LARS2: variants seen among roughly 807,000 people sequenced by gnomAD.
LARS2 encodes the protein leucyl-tRNA synthetase 2, mitochondrial, also known as leucine--tRNA ligase, mitochondrial.
A neutral mutation model predicts 116.6 loss-of-function variants in LARS2; 81 were observed. That is an observed-to-expected ratio of 0.69 (90% CI 0.58 to 0.84). LARS2 has a LOEUF of 0.84. Among genes scored for constraint, LARS2 ranks in the 40% least tolerant of loss-of-function variants. The probability of loss-of-function intolerance (pLI) is 0.00; values close to 1 mark genes in which losing one functional copy is unlikely to be tolerated. For synonymous variants in LARS2, 396 were observed against 407.2 expected, an observed-to-expected ratio of 0.97 and a Z score of 0.33; for missense variants, 968 against 1,114.5, an observed-to-expected ratio of 0.87 and a Z score of 1.87.
intron 7 of LARS2, among the ~76,000 whole-genome samples, chr3:45,448,214 CA>C (rs1699053829): frequency 6.6e-6 from 1 of 152,124 alleles, no homozygotes; most frequent in Non-Finnish European, 1.5e-5. Context: ...TGTTCTATTC[CA>C]TAACAAATAT....
At position 45,514,205 on chromosome 3, in the gene LARS2, C is replaced by CA. The variant is rs1202127766; in HGVS notation, c.1861+982dup. Among the ~76,000 whole-genome samples the CA allele has an allele frequency of 3.9e-3, 553 of 140,150 alleles. 3 individuals carry two copies. Among genetic ancestry groups the CA allele is most frequent in the East Asian group, 0.028 (136 of 4,862 alleles). 91.9% of individuals were successfully genotyped at this position (140,150 alleles called of 152,430 possible). ...TGGGCAACAGAGCAAGACTCTGTCT[C>CA]AAAAAAAAAAAAGAAAGAAAGAAAA... is the stretch of plus-strand genomic sequence containing the variant. On this transcript the variant is annotated intron_variant, in intron 16 of 21. Coordinates refer to ENST00000645846, the MANE Select transcript of LARS2 (RefSeq NM_015340.4).
intron 20 of LARS2, among the ~76,000 whole-genome samples, chr3:45,538,041 T>A (rs61286189): frequency 0.27 from 41,254 of 152,120 alleles, 5,879 homozygotes; most frequent in Middle Eastern, 0.4. Context: ...CCTCTCCCCT[T>A]GGCATTACCA....
At chr3:45,452,200 C>T (rs913811133) in intron 7 of LARS2, among the ~76,000 whole-genome samples, 2 of 152,104 alleles carry the variant, frequency 1.3e-5, no homozygotes, top group African/African-American at 4.8e-5. Context: ...CCTAATTGCC[C>T]TGGTTAGGAC....
intron 4 of LARS2, among the ~76,000 whole-genome samples, chr3:45,413,452 C>T (rs1357343979): frequency 6.6e-6 from 1 of 152,156 alleles, no homozygotes; most frequent in Admixed American, 6.5e-5. Flanking sequence ...ATGTCATGCT[C>T]AATAATTCAA....
rs1472114862 is a variant in LARS2 at position 45,446,926 on chromosome 3, G to A, written c.552G>A (p.Trp184Ter). Residue 184 changes from tryptophan to a stop codon, truncating the protein, a stop_gained, in exon 7 of 22, where the codon TGG becomes TGA. Transcript: ENST00000645846. LOFTEE classifies it high-confidence loss of function. ...CGTGTTTGCCAGATTACTACAAGTG[G>A]ACTCAGTATCTCTTTATTAAACTGT... The part of the protein sequence containing the change: ...ITTCLPDYYK[W>*]TQYLFIKLYE... 6.2e-7 allele frequency: 1 copy of A among 1,611,820 alleles called. No individual in the cohort carries two copies. Among genetic ancestry groups the A allele is most frequent in the Admixed American group, 1.7e-5 (1 of 59,826 alleles).
chr3:45,534,931 C>T (rs1700677466), intron 20 of LARS2, among the ~76,000 whole-genome samples: 1 of 152,140 alleles, frequency 6.6e-6, no homozygotes, highest in Non-Finnish European at 1.5e-5. Context: ...CTTTTGTTTA[C>T]CATAATATTG....
chr3:45,476,987 C>T (rs11130065), intron 10 of LARS2, among the ~76,000 whole-genome samples: 121,689 of 152,074 alleles, frequency 0.8, 52,842 homozygotes, highest in East Asian at 0.98. Context: ...ATAATTTCAC[C>T]ATCAACTAAA....
chr3:45,540,063 A>T (rs988775551), intron 20 of LARS2, among the ~76,000 whole-genome samples: 2 of 152,082 alleles, frequency 1.3e-5, no homozygotes, highest in Admixed American at 6.5e-5. Context: ...TTCGAGACCA[A>T]CCTGGCCAAC....
Position 45,476,358 on chromosome 3 carries a change from G to A in LARS2, c.859-110G>A, listed in dbSNP as rs1475122032. On this transcript the variant is annotated intron_variant, in intron 9 of 21. Coordinates refer to ENST00000645846, the MANE Select transcript of LARS2 (RefSeq NM_015340.4). ...CACCCCTGGCCCAGTGGTCAGAGCT[G>A]TGGTCACTGTTGGGGAATGAGGAGG... The A allele has an allele frequency of 7.8e-6, 9 of 1,155,496 alleles. No individual in the cohort carries two copies. In the Admixed American group the frequency reaches 1.4e-4, roughly 18 times the overall value. The allele number at this position is 1,155,496 out of a possible 1,614,324, so 71.6% of individuals were successfully genotyped here.
At chr3:45,444,658 C>T (rs1340420360) in intron 6 of LARS2, among the ~76,000 whole-genome samples, 17 of 70,892 alleles carry the variant, frequency 2.4e-4, no homozygotes, top group South Asian at 7.5e-4. Flanking sequence ...AGCGAGACTC[C>T]GTCTCAAAAA....
Position 45,439,210 on chromosome 3 carries a change from C to CTTT in LARS2, c.517-7654_517-7652dup, listed in dbSNP as rs575140221. Among the ~76,000 whole-genome samples, 507 of 62,456 alleles carry CTTT rather than the reference C, an allele frequency of 8.1e-3. 114 individuals carry two copies. The highest frequency in any genetic ancestry group is 0.016 in the East Asian group (28 of 1,734). The allele number at this position is 62,456 out of a possible 152,430, so 41.0% of individuals were successfully genotyped here. The stretch of plus-strand genomic sequence containing the variant: ...AGAAATGAGCTGTCAGAAACTCTGG[C>CTTT]TTTTTTTTTTTTTTTTTTTTTTTTT... On this transcript the variant is annotated intron_variant, in intron 6 of 21. Coordinates refer to ENST00000645846, the MANE Select transcript of LARS2 (RefSeq NM_015340.4).
At chr3:45,515,211 A>C (rs1297184978) in intron 16 of LARS2, among the ~76,000 whole-genome samples, 1 of 152,062 alleles carries the variant, frequency 6.6e-6, no homozygotes, top group African/African-American at 2.4e-5. Flanking sequence ...TCTCGTTCTT[A>C]GTTCTTCTTC....
chr3:45,483,181 T>A (rs1699735655), intron 10 of LARS2, among the ~76,000 whole-genome samples: 1 of 152,196 alleles, frequency 6.6e-6, no homozygotes, highest in Non-Finnish European at 1.5e-5. Context: ...GGCATAGACA[T>A]CCCTATCTGT....
chr3:45,533,554 A>G (rs754772293), intron 20 of LARS2, among the ~76,000 whole-genome samples: 3 of 152,206 alleles, frequency 2.0e-5, no homozygotes, highest in Non-Finnish European at 4.4e-5. Context: ...CGCAGAATAT[A>G]TATTTCGCCC....
chr3:45,472,913 A>C (rs952222858), intron 8 of LARS2, among the ~76,000 whole-genome samples: 3 of 152,242 alleles, frequency 2.0e-5, no homozygotes, highest in African/African-American at 7.2e-5. Flanking sequence ...CTTAGGAAGT[A>C]TTCTGCAAAG....
chr3:45,533,141 CTTTTTTTTTTTTTTT>C (rs3085466), intron 20 of LARS2, among the ~76,000 whole-genome samples: 5 of 51,000 alleles, frequency 9.8e-5, no homozygotes, highest in South Asian at 1.3e-3. Context: ...CACATTAAGT[CTTTTTTTTTTTTTTT>C]TTTTTTTTTT....
intron 6 of LARS2, among the ~76,000 whole-genome samples, chr3:45,433,973 C>A (rs988636106): frequency 5.9e-5 from 9 of 152,008 alleles, no homozygotes; most frequent in African/African-American, 1.9e-4. Context: ...AATTTTCTTC[C>A]TGTAGGTAAT....
At chr3:45,452,425 T>G (rs907651932) in intron 7 of LARS2, among the ~76,000 whole-genome samples, 4 of 152,082 alleles carry the variant, frequency 2.6e-5, no homozygotes, top group Non-Finnish European at 5.9e-5. Flanking sequence ...TTTTATTGAA[T>G]GCTTTTTTAG....
chr3:45,470,413 T>A (rs959034615), intron 8 of LARS2, among the ~76,000 whole-genome samples: 2 of 152,226 alleles, frequency 1.3e-5, no homozygotes, highest in Non-Finnish European at 2.9e-5. Context: ...CTTTTATTGG[T>A]GCATGTTCTT....
Sources: gnomAD v4.1 joint callset for allele counts (sites outside exome capture counted in the v4.1 genomes callset) on GRCh38, gnomAD v4.1.1 for gene constraint, MANE v1.5 for transcripts, NCBI Gene and HGNC (gene_info 2026-07-23, HGNC 2026-07-21) for gene names.